Variants in ARHGEF37 observed in about 807,000 individuals in gnomAD.
The protein encoded by ARHGEF37 is Rho guanine nucleotide exchange factor (GEF) 37.
A neutral mutation model predicts 71.1 loss-of-function variants in ARHGEF37; 55 were observed. The ratio of observed to expected loss-of-function variants is 0.77; its 90% CI spans 0.62 to 0.97. The LOEUF (loss-of-function observed/expected upper bound fraction) is 0.97, where lower values mean the gene tolerates loss of function less well. Ranked by LOEUF, ARHGEF37 falls within the 50% of genes least tolerant of loss-of-function variation. ARHGEF37 has a pLI of 0.00. For synonymous variants in ARHGEF37, 327 were observed against 350.6 expected (o/e 0.93, Z 0.75); for missense variants, 765 against 836.8 (o/e 0.91, Z 1.06).
chr5:149,613,234 G>A (rs1561802549), intron 4 of ARHGEF37, among the ~76,000 whole-genome samples: 1 of 152,052 alleles, frequency 6.6e-6, no homozygotes, highest in Admixed American at 6.6e-5. Flanking sequence ...AGTATATAAA[G>A]TAAAAAGTAA....
chr5:149,589,674 A>G (rs777691218), intron 1 of ARHGEF37, among the ~76,000 whole-genome samples: 13 of 151,774 alleles, frequency 8.6e-5, no homozygotes, highest in Non-Finnish European at 1.6e-4. Context: ...TAATTTTTGT[A>G]TTTTTAGTAG....
intron 3 of ARHGEF37, among the ~76,000 whole-genome samples, chr5:149,602,688 A>G (rs1763792403): frequency 6.6e-6 from 1 of 151,998 alleles, no homozygotes; most frequent in Non-Finnish European, 1.5e-5. Flanking sequence ...TCCAAACCTC[A>G]TACCTGTCTC....
chr5:149,621,759 G>T lies in ARHGEF37; in HGVS notation c.1032G>T (p.Trp344Cys), dbSNP rs560081847. ...KFKQRLEGLVWQPLCSLAKAL... is the reference protein window; with the variant it reads ...KFKQRLEGLVCQPLCSLAKAL... ...AGCAACGGCTAGAAGGCCTGGTGTG[G>T]CAGCCACTGTGCAGCCTGGCCAAAG... is the stretch of plus-strand genomic sequence containing the variant. Residue 344 changes from tryptophan (W) to cysteine (C), a missense_variant, in exon 9 of 13, where the codon TGG becomes TGT. By Grantham distance (215) the Trp-to-Cys change is radical. Around this residue, in one of 5 missense-constraint regions of ARHGEF37, gnomAD observed 4 missense variants for 18.4 expected, o/e 0.22. Coordinates refer to ENST00000333677, the MANE Select transcript of ARHGEF37 (RefSeq NM_001001669.3). 6.2e-7 allele frequency: 1 copy of T among 1,612,694 alleles called. No individual in the cohort carries two copies. The highest frequency in any genetic ancestry group is 1.3e-5 in the African/African-American group (1 of 75,014).
chr5:149,625,013 C>T (rs1229501991), intron 10 of ARHGEF37, among the ~76,000 whole-genome samples: 1 of 149,976 alleles, frequency 6.7e-6, no homozygotes, highest in East Asian at 2.0e-4. Context: ...ATTCTTCTGC[C>T]TCAGCCCCCC....
chr5:149,619,697 A>AT (rs1468887239), intron 7 of ARHGEF37, among the ~76,000 whole-genome samples: 1 of 152,158 alleles, frequency 6.6e-6, no homozygotes, highest in Non-Finnish European at 1.5e-5. Flanking sequence ...GCTATGGGGC[A>AT]TTTTTTTAAT....
At chr5:149,575,774 C>G (rs557563045) in intron 1 of ARHGEF37, among the ~76,000 whole-genome samples, 1 of 150,854 alleles carries the variant, frequency 6.6e-6, no homozygotes, top group East Asian at 2.0e-4. Flanking sequence ...CTCTGCCTCC[C>G]GGGTTCAAGC....
intron 2 of ARHGEF37, among the ~76,000 whole-genome samples, 162 bp from the exon 3 acceptor site, chr5:149,600,946 C>G (rs1011301565): frequency 2.0e-5 from 3 of 152,128 alleles, no homozygotes; most frequent in Non-Finnish European, 2.9e-5. Flanking sequence ...CTGAAAATAC[C>G]TAATTTATAA....
At chr5:149,593,710 C>T (rs945600245) in intron 1 of ARHGEF37, among the ~76,000 whole-genome samples, 2 of 152,000 alleles carry the variant, frequency 1.3e-5, no homozygotes, top group African/African-American at 4.8e-5. Flanking sequence ...GAAAAGAAAA[C>T]GTTATTTAAA....
chr5:149,612,969 C>T (rs1233582392), intron 4 of ARHGEF37, among the ~76,000 whole-genome samples: 3 of 152,186 alleles, frequency 2.0e-5, no homozygotes, highest in Admixed American at 2.0e-4. Context: ...TAAAAAAACT[C>T]ACCTTTGCAG....
chr5:149,617,055 G>A (rs922829850), intron 5 of ARHGEF37, among the ~76,000 whole-genome samples: 6 of 152,070 alleles, frequency 3.9e-5, no homozygotes, highest in Non-Finnish European at 5.9e-5. Flanking sequence ...ACACTTACCC[G>A]GGTAAGGCAG....
chr5:149,613,035 G>A (rs1376126662), intron 4 of ARHGEF37, among the ~76,000 whole-genome samples: 1 of 152,198 alleles, frequency 6.6e-6, no homozygotes, highest in Admixed American at 6.5e-5. Context: ...CTGTCAGGGT[G>A]GAAAAGGCGG....
At chr5:149,593,006 G>A (rs1763455313) in intron 1 of ARHGEF37, among the ~76,000 whole-genome samples, 1 of 152,166 alleles carries the variant, frequency 6.6e-6, no homozygotes, top group Non-Finnish European at 1.5e-5. Flanking sequence ...CTGACCACAG[G>A]TGATCCACCC....
intron 1 of ARHGEF37, among the ~76,000 whole-genome samples, chr5:149,568,252 C>T (rs1762920788): frequency 6.6e-6 from 1 of 151,972 alleles, no homozygotes; most frequent in Non-Finnish European, 1.5e-5. Flanking sequence ...GTCTTGAACT[C>T]CTGTGCTCAA....
chr5:149,601,334 C>G, intron 3 of ARHGEF37, 103 bp downstream of exon 3: 1 of 1,383,872 alleles, frequency 7.2e-7, no homozygotes, highest in Non-Finnish European at 9.7e-7. Flanking sequence ...AGAAATGCAG[C>G]TCAACGGCAG....
At chr5:149,585,944 A>C (rs1261223823) in intron 1 of ARHGEF37, among the ~76,000 whole-genome samples, 1 of 152,236 alleles carries the variant, frequency 6.6e-6, no homozygotes, top group African/African-American at 2.4e-5. Context: ...TCCAGTTGCA[A>C]CAATGTCATT....
chr5:149,563,234 G>C (rs1331937187), intron 1 of ARHGEF37, among the ~76,000 whole-genome samples: 1 of 152,114 alleles, frequency 6.6e-6, no homozygotes, highest in East Asian at 1.9e-4. Context: ...TTCCCTGTCA[G>C]ATTCTAAAGC....
intron 3 of ARHGEF37, among the ~76,000 whole-genome samples, chr5:149,604,502 T>C (rs1763850255): frequency 6.6e-6 from 1 of 152,060 alleles, no homozygotes; most frequent in South Asian, 2.1e-4. Flanking sequence ...ATCCCTTGTC[T>C]CTTGTGGTTG....
At chr5:149,619,219 A>G (rs1752465647) in intron 7 of ARHGEF37, among the ~76,000 whole-genome samples, 177 bp downstream of exon 7, 1 of 152,146 alleles carries the variant, frequency 6.6e-6, no homozygotes, top group African/African-American at 2.4e-5. Flanking sequence ...GCCCCAGGCC[A>G]TTATACTGGG....
chr5:149,609,497 G>A, intron 3 of ARHGEF37, 51 bp from the exon 4 acceptor site: 1 of 1,600,944 alleles, frequency 6.2e-7, no homozygotes, highest in Non-Finnish European at 8.6e-7. Context: ...TCCAAGCTAG[G>A]GGACACACAG....
Sources: gnomAD v4.1 joint callset for allele counts (sites outside exome capture counted in the v4.1 genomes callset) on GRCh38, gnomAD v4.1.1 for gene constraint, gnomAD v4.1.1 regional missense constraint, MANE v1.5 for transcripts, NCBI Gene and HGNC (gene_info 2026-07-23, HGNC 2026-07-21) for gene names.